CLUAP1: variants seen among roughly 807,000 people sequenced by gnomAD.
CLUAP1 encodes clusterin-associated protein 1.
Under a neutral mutation model 55.0 loss-of-function variants are expected in CLUAP1, and 50 were observed. The observed-to-expected ratio is 0.91, with a 90% CI of 0.72 to 1.15. The LOEUF (loss-of-function observed/expected upper bound fraction) is 1.15, where lower values mean the gene tolerates loss of function less well. Ranked by LOEUF, CLUAP1 falls within the 50% of genes most tolerant of loss-of-function variation. The probability of loss-of-function intolerance (pLI) is 0.00; values close to 1 mark genes in which losing one functional copy is unlikely to be tolerated. For missense variants in CLUAP1, 530 were observed against 507.6 expected (o/e 1.04, Z -0.42); for synonymous variants, 195 against 175.4 (o/e 1.11, Z -0.88).
chr16:3,495,501 TGGCAGGTCTCCC>T, the CLUAP1 span: 1 of 1,563,306 alleles, frequency 6.4e-7, no homozygotes, highest in Non-Finnish European at 8.7e-7. Flanking sequence ...GGGGGTACAT[TGGCAGGTCTCCC>T]CTGGCAACTG....
At chr16:3,528,342 T>G (rs972972631) in intron 9 of CLUAP1, among the ~76,000 whole-genome samples, 4 of 152,190 alleles carry the variant, frequency 2.6e-5, no homozygotes, top group African/African-American at 9.7e-5. Flanking sequence ...TCTCTTTCTT[T>G]GCCATTTCCC....
intron 9 of CLUAP1, among the ~76,000 whole-genome samples, chr16:3,528,335 CTT>C (rs1019724472): frequency 1.2e-4 from 19 of 152,302 alleles, no homozygotes; most frequent in African/African-American, 4.6e-4. Flanking sequence ...CTCTCTTTCT[CTT>C]TCTTTGCCAT....
intron 9 of CLUAP1, among the ~76,000 whole-genome samples, chr16:3,528,070 A>G (rs952125717): frequency 1.3e-5 from 2 of 152,138 alleles, no homozygotes; most frequent in Non-Finnish European, 2.9e-5. Flanking sequence ...ATCTCTGCAC[A>G]TGGGGAGAAA....
In CLUAP1 at chr16:3,509,887, G is replaced by C. The variant is rs1222555139; in HGVS notation, c.399+1419G>C. The C allele has an allele frequency of 2.6e-5, 4 of 152,570 alleles. No homozygotes were observed. The East Asian group carries it at 7.7e-4, about 29-fold the overall frequency. 9.5% of individuals were successfully genotyped at this position (152,570 alleles called of 1,614,324 possible). ...CTGTGGCCCAGGCTGGAGTGCAATGGCACGATCTTGGCTCGCTGCGCCTCT... is the reference window on the plus strand; with the variant it reads ...CTGTGGCCCAGGCTGGAGTGCAATGCCACGATCTTGGCTCGCTGCGCCTCT... On this transcript the variant is annotated intron_variant, in intron 4 of 11. Coordinates refer to ENST00000576634, the MANE Select transcript of CLUAP1 (RefSeq NM_015041.3).
upstream of CLUAP1, chr16:3,500,989 T>C (rs1263213313): frequency 4.8e-6 from 7 of 1,450,978 alleles, 1 homozygote; most frequent in South Asian, 2.4e-5. Flanking sequence ...TTGGTTGCCA[T>C]AGAGATCGTC....
intron 5 of CLUAP1, chr16:3,515,267 G>A (rs1456793907): frequency 2.9e-6 from 1 of 348,372 alleles, no homozygotes; most frequent in Non-Finnish European, 5.1e-6. Context: ...TTTGCTCATA[G>A]AGTTGGGGTC....
chr16:3,521,992 G>A (rs553342946), intron 7 of CLUAP1, among the ~76,000 whole-genome samples: 50 of 152,058 alleles, frequency 3.3e-4, no homozygotes, highest in African/African-American at 1.1e-3. Flanking sequence ...CCAGGCGTTC[G>A]ATGCTGCAGT....
chr16:3,499,123 C>A (rs980399842), upstream of CLUAP1, among the ~76,000 whole-genome samples: 1 of 152,256 alleles, frequency 6.6e-6, no homozygotes, highest in Non-Finnish European at 1.5e-5. Flanking sequence ...CTTTAATCAT[C>A]AGGGAAATGC....
upstream of CLUAP1, chr16:3,496,111 A>G (rs1196872006): frequency 5.3e-6 from 2 of 374,244 alleles, no homozygotes; most frequent in Non-Finnish European, 1.0e-5. Flanking sequence ...ACTGCACTCC[A>G]GCCTGGGCTG....
chr16:3,514,600 T>C (rs927026883), intron 5 of CLUAP1, among the ~76,000 whole-genome samples: 5 of 152,222 alleles, frequency 3.3e-5, no homozygotes, highest in Admixed American at 6.5e-5. Context: ...GAGTGACTTA[T>C]AAATAACAGA....
rs2151074551 is a variant in CLUAP1, at chr16:3,536,413, T to C, written c.*142T>C. 1 of 788,996 alleles carries C rather than the reference T, an allele frequency of 1.3e-6. No homozygotes were observed. The highest frequency in any genetic ancestry group is 3.1e-5 in the Admixed American group (1 of 32,096). 48.9% of individuals were successfully genotyped at this position (788,996 alleles called of 1,614,324 possible). ...CACTGAAGCAATACTTATTTCTGCT[T>C]TAGCCTCCTATGTTTGCATTCCATG... is the stretch of plus-strand genomic sequence containing the variant. On this transcript the variant is annotated 3_prime_UTR_variant, in exon 12 of 12. Transcript: ENST00000576634.
chr16:3,499,501 AT>A (rs1234335145), upstream of CLUAP1, among the ~76,000 whole-genome samples: 1 of 152,212 alleles, frequency 6.6e-6, no homozygotes, highest in Non-Finnish European at 1.5e-5. Flanking sequence ...GTGATATCTC[AT>A]TGTGGTTTTA....
rs1472145826 is a variant in CLUAP1 at position 3,533,105 on chromosome 16, G to T, written c.1092+264G>T. ...CCATTCTCGCTTTCCAAAGATGGAA[G>T]CAGCACCAGCTCTCTTAGGTAAATG... On this transcript the variant is annotated intron_variant, in intron 11 of 11. Transcript: ENST00000576634. 5.2e-6 allele frequency: 8 copies of T among 1,536,114 alleles called. No individual in the cohort carries two copies. In the East Asian group the frequency reaches 2.0e-4, roughly 38 times the overall value.
At position 3,506,353 on chromosome 16, in the gene CLUAP1, C is replaced by T; in HGVS notation, c.157C>T (p.Pro53Ser). 1.2e-6 allele frequency: 2 copies of T among 1,614,038 alleles called. No homozygotes were observed. The highest frequency in any genetic ancestry group is 8.5e-7 in the Non-Finnish European group (1 of 1,179,936). The change falls in exon 3 of 12, where the codon CCG becomes TCG. Residue 53 changes from proline to serine, a missense_variant. Physicochemically the swap from Pro to Ser is moderately conservative, Grantham distance 74 (BLOSUM62 -1). Coordinates refer to ENST00000576634, the MANE Select transcript of CLUAP1 (RefSeq NM_015041.3). ...VKRYEPQTDIPPDVDTEQDRV... is the reference protein window; with the variant it reads ...VKRYEPQTDISPDVDTEQDRV... ...TAGATATGAGCCCCAGACTGACATCCCGCCTGACGTGGATACTGAACAGGA... is the reference window on the plus strand; with the variant it reads ...TAGATATGAGCCCCAGACTGACATCTCGCCTGACGTGGATACTGAACAGGA...
the CLUAP1 span, chr16:3,495,537 C>T: frequency 2.0e-6 from 3 of 1,521,286 alleles, no homozygotes; most frequent in African/African-American, 2.8e-5. Flanking sequence ...CTTATGACAT[C>T]ACGGGGAAGA....
chr16:3,536,296 G>A lies in CLUAP1; in HGVS notation c.*25G>A. 6.2e-7 allele frequency: 1 copy of A among 1,609,846 alleles called. No homozygotes were observed. The highest frequency in any genetic ancestry group is 8.5e-7 in the Non-Finnish European group (1 of 1,177,304). On this transcript the variant is annotated 3_prime_UTR_variant, in exon 12 of 12. Transcript: ENST00000576634. ...ACCCTTTTGCCAAGGGACCCTGGCA[G>A]ATTAAAACCCTCAGACTTGTAGGTA...
chr16:3,518,128 A>G (rs1347099007), intron 6 of CLUAP1, among the ~76,000 whole-genome samples: 1 of 152,214 alleles, frequency 6.6e-6, no homozygotes, highest in Non-Finnish European at 1.5e-5. Context: ...ACGTCTGGTC[A>G]GCAACTTACT....
chr16:3,512,672 T>A (rs1237521962), intron 5 of CLUAP1, among the ~76,000 whole-genome samples, 194 bp downstream of exon 5: 1 of 152,000 alleles, frequency 6.6e-6, no homozygotes, highest in Non-Finnish European at 1.5e-5. Context: ...TATTTATTTA[T>A]TTATTTATTT....
At chr16:3,518,648 G>T (rs1454200580) in intron 6 of CLUAP1, among the ~76,000 whole-genome samples, 2 of 152,214 alleles carry the variant, frequency 1.3e-5, no homozygotes, top group East Asian at 3.8e-4. Context: ...CTTTCTTCCT[G>T]TGAGGGTGAA....
Sources: allele counts gnomAD v4.1 joint callset (sites outside exome capture counted in the v4.1 genomes callset), GRCh38; gene constraint gnomAD v4.1.1; transcripts MANE v1.5; gene names NCBI Gene and HGNC (gene_info 2026-07-23, HGNC 2026-07-21).